The following INPP5A variants were observed in gnomAD, a reference collection of about 807,000 sequenced individuals.
The protein encoded by INPP5A is 43 kDa inositol polyphosphate 5-phophatase.
INPP5A carries 14 observed loss-of-function variants against 65.2 expected under a neutral mutation model. The ratio of observed to expected loss-of-function variants is 0.21; its 90% CI spans 0.14 to 0.34. The LOEUF (loss-of-function observed/expected upper bound fraction) is 0.34, where lower values mean the gene tolerates loss of function less well. Ranked by LOEUF, INPP5A falls within the 10% of genes least tolerant of loss-of-function variation. The pLI is 1.00. For missense variants in INPP5A, 431 were observed against 545.6 expected, an observed-to-expected ratio of 0.79 and a Z score of 2.09; for synonymous variants, 207 against 208.3, an observed-to-expected ratio of 0.99 and a Z score of 0.05.
chr10:132,619,471 C>T (rs2072084011), intron 2 of INPP5A, among the ~76,000 whole-genome samples: 1 of 152,210 alleles, frequency 6.6e-6, no homozygotes, highest in South Asian at 2.1e-4. Context: ...ATGCCTGTGG[C>T]TTTTCCAGGC....
intron 1 of INPP5A, among the ~76,000 whole-genome samples, chr10:132,573,050 G>T (rs2071367381): frequency 6.7e-6 from 1 of 149,268 alleles, no homozygotes; most frequent in Admixed American, 6.7e-5. Context: ...TACGTGCCGT[G>T]TGAGGTTTTG....
Position 132,660,650 on chromosome 10 carries a change from T to C in INPP5A, c.306+10145T>C, listed in dbSNP as rs35625198. On this transcript the variant is annotated intron_variant, in intron 4 of 15. Coordinates refer to ENST00000368594, the MANE Select transcript of INPP5A (RefSeq NM_005539.5). ...CTGAGCAGAGGCTGTCTGGATGCCA[T>C]TCACGGTGAGAGAAGAGCCTAGAAT... Among the ~76,000 whole-genome samples, 1,498 of 152,284 alleles carry C rather than the reference T, an allele frequency of 9.8e-3. 10 individuals are homozygous for C. Among genetic ancestry groups the C allele is most frequent in the Non-Finnish European group, 0.015 (1,048 of 68,020 alleles).
intron 4 of INPP5A, among the ~76,000 whole-genome samples, chr10:132,654,994 G>C (rs1485167253): frequency 6.6e-6 from 1 of 152,246 alleles, no homozygotes; most frequent in Non-Finnish European, 1.5e-5. Context: ...TGGGCGCGGT[G>C]GCTCACGCCG....
At chr10:132,626,765 G>A (rs753926952) in intron 2 of INPP5A, among the ~76,000 whole-genome samples, 22 of 152,198 alleles carry the variant, frequency 1.4e-4, no homozygotes, top group Non-Finnish European at 2.9e-4. Flanking sequence ...TGGACAGCCC[G>A]AGCTCACAGC....
chr10:132,724,779 C>T (rs772006695), intron 8 of INPP5A, among the ~76,000 whole-genome samples: 6 of 144,960 alleles, frequency 4.1e-5, no homozygotes, highest in South Asian at 4.5e-4. Context: ...TCACCACAGA[C>T]GGGGGTCACT....
chr10:132,538,123 C>A lies in INPP5A; in HGVS notation c.27C>A (p.Gly9=). Reference sequence around the variant, plus strand: ...TGGCGGGGAAGGCGGCCGCCCCGGGCACCGCGGTGCTGCTGGTCACGGCCA... The same window carrying A: ...TGGCGGGGAAGGCGGCCGCCCCGGGAACCGCGGTGCTGCTGGTCACGGCCA... MAGKAAAP[G]TAVLLVTANV... is the part of the protein sequence containing the mutation. Residue 9 remains glycine, a synonymous_variant, in exon 1 of 16, where the codon GGC becomes GGA. Transcript: ENST00000368594. The surrounding 1 kb of genome is among the most constrained non-coding windows in gnomAD (Gnocchi z 4.1). 1 of 1,243,870 alleles carries A rather than the reference C, an allele frequency of 8.0e-7. No individual in the cohort carries two copies. The highest frequency in any genetic ancestry group is 3.3e-5 in the South Asian group (1 of 30,290). 77.1% of individuals were successfully genotyped at this position (1,243,870 alleles called of 1,614,324 possible). A position where few individuals can be genotyped will look rare whatever the true frequency, so the allele number is the denominator to read the frequency against.
At position 132,611,980 on chromosome 10, in the gene INPP5A, G is replaced by A. The variant is rs1311438988; in HGVS notation, c.117+4024G>A. On this transcript the variant is annotated intron_variant, in intron 2 of 15. Coordinates refer to ENST00000368594, the MANE Select transcript of INPP5A (RefSeq NM_005539.5). ...GGGAGGTGAGGAGGGCAGGGGAGAG[G>A]CCCTGTCAGAGGAAGGTGTGGGAGG... 2.2e-5 allele frequency among the ~76,000 whole-genome samples: 3 copies of A among 135,200 alleles called. No individual in the cohort carries two copies. In the East Asian group the frequency reaches 7.5e-4, roughly 34 times the overall value. The allele number at this position is 135,200 out of a possible 152,430, so 88.7% of individuals were successfully genotyped here. A position where few individuals can be genotyped will look rare whatever the true frequency, so the allele number is the denominator to read the frequency against.
In INPP5A at chr10:132,686,632, T is replaced by C. The variant is rs527782911; in HGVS notation, c.307-3760T>C. On this transcript the variant is annotated intron_variant, in intron 4 of 15. Transcript: ENST00000368594. Reference sequence around the variant, plus strand: ...TACAGCTAATTATGGATTTTCTGACTATGAATTGCAGTTTCTATCCCTGCA... The same window carrying C: ...TACAGCTAATTATGGATTTTCTGACCATGAATTGCAGTTTCTATCCCTGCA... Among the ~76,000 whole-genome samples the C allele has an allele frequency of 2.6e-5, 4 of 152,380 alleles. No homozygotes were observed. The South Asian group carries it at 6.2e-4, about 24-fold the overall frequency.
intron 4 of INPP5A, among the ~76,000 whole-genome samples, chr10:132,669,269 C>T (rs1260946276): frequency 2.0e-5 from 3 of 152,178 alleles, no homozygotes; most frequent in Admixed American, 6.5e-5. Flanking sequence ...AACAAACAAA[C>T]AGCCGGTGAG....
intron 4 of INPP5A, among the ~76,000 whole-genome samples, chr10:132,652,659 A>G (rs10781583): frequency 0.9 from 137,230 of 152,230 alleles, 61,918 homozygotes; most frequent in East Asian, 1. Context: ...CATGGGGACC[A>G]TCGCTCAGCT....
chr10:132,705,941 C>G lies in INPP5A; in HGVS notation c.475-2372C>G, dbSNP rs913417082. The stretch of plus-strand genomic sequence containing the variant: ...GACTCACCCCAAATAAAGTTGATTT[C>G]TTGGGAAAAGCTGACAGACTTTAAG... On this transcript the variant is annotated intron_variant, in intron 6 of 15. Transcript: ENST00000368594. This position sits in a 1 kb window ranked among gnomAD's most constrained non-coding sequence, Gnocchi z 4.9. Among the ~76,000 whole-genome samples the G allele has an allele frequency of 6.6e-6, 1 of 152,156 alleles. No individual in the cohort carries two copies. The highest frequency in any genetic ancestry group is 2.4e-5 in the African/African-American group (1 of 41,426).
intron 9 of INPP5A, among the ~76,000 whole-genome samples, chr10:132,733,282 G>A (rs1564989671): frequency 2.6e-5 from 4 of 152,208 alleles, no homozygotes; most frequent in Non-Finnish European, 5.9e-5. Context: ...ACATGAATCT[G>A]GGGGCACACC....
In INPP5A at chr10:132,710,462, T is replaced by C; in HGVS notation, c.647+6T>C. ...CTGGGCTACGTGCTGGACAGGTAGG[T>C]GTGGGCGGGCAGGTAGGCGTGGGCC... On this transcript the variant is annotated splice_donor_region_variant and intron_variant, in intron 8 of 15. Coordinates refer to ENST00000368594, the MANE Select transcript of INPP5A (RefSeq NM_005539.5). 1 of 1,612,522 alleles carries C rather than the reference T, an allele frequency of 6.2e-7. No individual in the cohort carries two copies. The highest frequency in any genetic ancestry group is 8.5e-7 in the Non-Finnish European group (1 of 1,179,502).
intron 11 of INPP5A, among the ~76,000 whole-genome samples, chr10:132,754,447 G>T (rs970020649): frequency 6.6e-6 from 1 of 152,116 alleles, no homozygotes; most frequent in Non-Finnish European, 1.5e-5. Flanking sequence ...CCAGGCTCAG[G>T]GCTGGTCAGT....
At chr10:132,602,288 C>T (rs1472006006) in intron 1 of INPP5A, among the ~76,000 whole-genome samples, 11 of 152,128 alleles carry the variant, frequency 7.2e-5, no homozygotes, top group Admixed American at 7.2e-4. Flanking sequence ...TTATATCCTG[C>T]CACGTTGCTG....
chr10:132,757,460 C>T (rs1846645191), intron 11 of INPP5A, among the ~76,000 whole-genome samples: 1 of 152,232 alleles, frequency 6.6e-6, no homozygotes, highest in Non-Finnish European at 1.5e-5. Context: ...TGGTCGGTGG[C>T]CTGCTGTGCG....
At chr10:132,595,358 G>A (rs2071673080) in intron 1 of INPP5A, among the ~76,000 whole-genome samples, 1 of 152,232 alleles carries the variant, frequency 6.6e-6, no homozygotes, top group Admixed American at 6.5e-5. Context: ...GAGTATAAGT[G>A]TCTTCCATGT....
intron 4 of INPP5A, among the ~76,000 whole-genome samples, chr10:132,658,628 G>T (rs2072692192): frequency 1.3e-5 from 2 of 152,260 alleles, no homozygotes; most frequent in African/African-American, 2.4e-5. Context: ...ACACAGGGCT[G>T]AGTCCGCCGG....
At chr10:132,634,276 C>T (rs530609276) in intron 2 of INPP5A, among the ~76,000 whole-genome samples, 38 of 149,606 alleles carry the variant, frequency 2.5e-4, no homozygotes, top group Middle Eastern at 3.4e-3. Context: ...AGGTGTGCCC[C>T]GGAGAGGCGT....
Sources: gnomAD v4.1 joint callset for allele counts (sites outside exome capture counted in the v4.1 genomes callset) on GRCh38, gnomAD v4.1.1 for gene constraint, Gnocchi (gnomAD v3.1) non-coding constraint, MANE v1.5 for transcripts, NCBI Gene and HGNC (gene_info 2026-07-23, HGNC 2026-07-21) for gene names.